UTP20: variants seen among roughly 807,000 people sequenced by gnomAD.
The protein encoded by UTP20 is small subunit processome component 20 homolog.
Under a neutral mutation model 329.5 loss-of-function variants are expected in UTP20, and 164 were observed. The ratio of observed to expected loss-of-function variants is 0.50; its 90% CI spans 0.44 to 0.57. The LOEUF is 0.57. Among genes scored for constraint, UTP20 ranks in the 20% least tolerant of loss-of-function variants. The probability of loss-of-function intolerance (pLI) is 0.00; values close to 1 mark genes in which losing one functional copy is unlikely to be tolerated. For missense variants in UTP20, 3,055 were observed against 3,284.2 expected, an observed-to-expected ratio of 0.93 and a Z score of 1.71; for synonymous variants, 1,151 against 1,159.3, an observed-to-expected ratio of 0.99 and a Z score of 0.14.
rs761486716 is a variant in UTP20 at position 101,344,669 on chromosome 12, T to TGTCA, written c.4525_4528dup (p.Thr1510SerfsTer7). The TGTCA allele has an allele frequency of 1.3e-6, 2 of 1,595,050 alleles. No individual in the cohort carries two copies. Among genetic ancestry groups the TGTCA allele is most frequent in the Non-Finnish European group, 1.7e-6 (2 of 1,162,712 alleles). Reference sequence around the variant, plus strand: ...TCATCAAAAAGCTAGCTGCCTTGAATGTCACAGAGAAAGACTATAGAGAAA... The same window carrying TGTCA: ...TCATCAAAAAGCTAGCTGCCTTGAATGTCAGTCACAGAGAAAGACTATAGAGAAA... On this transcript the variant is annotated frameshift_variant, in exon 36 of 62. Transcript: ENST00000261637. LOFTEE classifies it high-confidence loss of function.
In UTP20 at chr12:101,375,606, C is replaced by G. The variant is rs1219153240; in HGVS notation, c.7264-18C>G. On this transcript the variant is annotated intron_variant, in intron 55 of 61. Coordinates refer to ENST00000261637, the MANE Select transcript of UTP20 (RefSeq NM_014503.3). ...TCAGATTGTTGTTTTCATTGATTTA[C>G]ATCCGTCTTGTTTTTAGATCATGGA... The G allele has an allele frequency of 4.4e-6, 7 of 1,608,392 alleles. No individual in the cohort carries two copies. In the African/African-American group the frequency reaches 9.4e-5, roughly 22 times the overall value.
rs780116724 is a variant in UTP20 at position 101,295,596 on chromosome 12, T to A, written c.1368T>A (p.Pro456=). The A allele has an allele frequency of 6.2e-7, 1 of 1,613,460 alleles. No homozygotes were observed. Among genetic ancestry groups the A allele is most frequent in the Non-Finnish European group, 8.5e-7 (1 of 1,179,628 alleles). The part of the protein sequence containing the change: ...LAKLILNKAA[P]PTAGSMAIEK... ...AGCTCATTCTGAACAAAGCAGCACC[T>A]CCCACTGCTGGCTCGATGGCAATTG... is the stretch of plus-strand genomic sequence containing the variant. Residue 456 remains proline, a synonymous_variant, in exon 12 of 62, where the codon CCT becomes CCA. Transcript: ENST00000261637.
At chr12:101,302,973 A>C (rs1323057512) in intron 15 of UTP20, among the ~76,000 whole-genome samples, 1 of 152,064 alleles carries the variant, frequency 6.6e-6, no homozygotes, top group South Asian at 2.1e-4. Context: ...GAAACAATCC[A>C]GTTTCTTTTT....
intron 4 of UTP20, 109 bp downstream of exon 4, chr12:101,285,990 CA>C (rs1485850572): frequency 3.3e-5 from 48 of 1,447,328 alleles, no homozygotes; most frequent in Middle Eastern, 3.6e-4. Context: ...AATTTAGAAA[CA>C]AGGAGGATTT....
At chr12:101,379,622 A>C in intron 57 of UTP20, 64 bp downstream of exon 57, 2 of 1,523,090 alleles carry the variant, frequency 1.3e-6, no homozygotes, top group Non-Finnish European at 1.8e-6. Flanking sequence ...TGGTTCATGT[A>C]ACTATCTTCG....
chr12:101,281,056 A>T, intron 1 of UTP20, 60 bp from the exon 2 acceptor site: 2 of 1,380,654 alleles, frequency 1.4e-6, no homozygotes, highest in Non-Finnish European at 1.0e-6. Context: ...ATTCAAATAG[A>T]TATTAAAGAT....
chr12:101,314,791 G>A (rs529156130), intron 21 of UTP20, among the ~76,000 whole-genome samples: 1 of 152,118 alleles, frequency 6.6e-6, no homozygotes, highest in Non-Finnish European at 1.5e-5. Context: ...GGGAGCTGTT[G>A]TCGTTGGGGT....
rs1320301691 is a variant in UTP20 at position 101,290,166 on chromosome 12, A to G, written c.627A>G (p.Leu209=). Residue 209 remains leucine, a synonymous_variant, in exon 7 of 62, where the codon TTA becomes TTG. Coordinates refer to ENST00000261637, the MANE Select transcript of UTP20 (RefSeq NM_014503.3). Reference sequence around the variant, plus strand: ...CTGATAAAAACGCACTTTTCAATTTAATGTTTCTTGATCTTGATAAACATC... The same window carrying G: ...CTGATAAAAACGCACTTTTCAATTTGATGTTTCTTGATCTTGATAAACATC... ...KVSDKNALFN[L]MFLDLDKHPE... is the part of the protein sequence containing the mutation. 7 of 1,601,886 alleles carry G rather than the reference A, an allele frequency of 4.4e-6. No individual in the cohort carries two copies. Among genetic ancestry groups the G allele is most frequent in the Non-Finnish European group, 6.0e-6 (7 of 1,173,126 alleles).
intron 56 of UTP20, among the ~76,000 whole-genome samples, chr12:101,376,338 G>A (rs1376176299): frequency 1.3e-5 from 2 of 152,112 alleles, no homozygotes; most frequent in African/African-American, 2.4e-5. Context: ...ACACAGTTGC[G>A]CATCACCTAA....
At chr12:101,335,753 TA>T (rs1353340180) in intron 29 of UTP20, among the ~76,000 whole-genome samples, 7 of 152,228 alleles carry the variant, frequency 4.6e-5, no homozygotes, top group Admixed American at 1.3e-4. Context: ...TTCTTCATGT[TA>T]CTAGTCTTCA....
chr12:101,327,739 A>G (rs1868615524), intron 26 of UTP20, among the ~76,000 whole-genome samples: 1 of 152,206 alleles, frequency 6.6e-6, no homozygotes, highest in Non-Finnish European at 1.5e-5. Flanking sequence ...GATGAAATGG[A>G]TGTAATCGTG....
Position 101,354,356 on chromosome 12 carries a change from T to C in UTP20, c.5108-476T>C, listed in dbSNP as rs79685400. Among the ~76,000 whole-genome samples, 1,303 of 152,144 alleles carry C rather than the reference T, an allele frequency of 8.6e-3. 17 individuals carry two copies. The highest frequency in any genetic ancestry group is 0.029 in the African/African-American group (1,222 of 41,508). On this transcript the variant is annotated intron_variant, in intron 40 of 61. Coordinates refer to ENST00000261637, the MANE Select transcript of UTP20 (RefSeq NM_014503.3). Reference sequence around the variant, plus strand: ...CACAGATTGTTTTATGGCTAAGTTTTACCAAACATTCAAGGGGTAGATCAT... The same window carrying C: ...CACAGATTGTTTTATGGCTAAGTTTCACCAAACATTCAAGGGGTAGATCAT...
rs549641642 is a variant in UTP20, at chr12:101,310,577, C to CAAAA, written c.2231+756_2231+759dup. Among the ~76,000 whole-genome samples the CAAAA allele has an allele frequency of 3.2e-3, 142 of 44,348 alleles. 9 individuals are homozygous for CAAAA. The highest frequency in any genetic ancestry group is 0.015 in the African/African-American group (133 of 9,132). The allele number at this position is 44,348 out of a possible 152,430, so 29.1% of individuals were successfully genotyped here. ...GCAACAAGAGTGAAACTCTGTCTCC[C>CAAAA]AAAAAAAAAAAAAAAAAAAAATACA... is the stretch of plus-strand genomic sequence containing the variant. On this transcript the variant is annotated intron_variant, in intron 19 of 61. Coordinates refer to ENST00000261637, the MANE Select transcript of UTP20 (RefSeq NM_014503.3).
chr12:101,350,816 T>C (rs761685183), intron 38 of UTP20, among the ~76,000 whole-genome samples: 2 of 151,994 alleles, frequency 1.3e-5, no homozygotes, highest in Non-Finnish European at 2.9e-5. Context: ...GTGTCTTCCT[T>C]ACTCACGCTT....
chr12:101,380,092 T>C (rs1870593928), intron 57 of UTP20, among the ~76,000 whole-genome samples: 1 of 152,134 alleles, frequency 6.6e-6, no homozygotes, highest in Admixed American at 6.5e-5. Flanking sequence ...AATGTCAGGG[T>C]CCAGGCCAGG....
At position 101,302,616 on chromosome 12, in the gene UTP20, A is replaced by G. The variant is rs1872550097; in HGVS notation, c.1781+63A>G. On this transcript the variant is annotated intron_variant, in intron 15 of 61. Coordinates refer to ENST00000261637, the MANE Select transcript of UTP20 (RefSeq NM_014503.3). ...AAATATAAAAGCCTCTATTGTTGTG[A>G]AATCTTGGACACAAAGAAAATCCCT... is the stretch of plus-strand genomic sequence containing the variant. 3 of 1,112,524 alleles carry G rather than the reference A, an allele frequency of 2.7e-6. No individual in the cohort carries two copies. The South Asian group carries it at 4.6e-5, about 17-fold the overall frequency. 68.9% of individuals were successfully genotyped at this position (1,112,524 alleles called of 1,614,324 possible). A position where few individuals can be genotyped will look rare whatever the true frequency, so the allele number is the denominator to read the frequency against.
chr12:101,353,470 G>A (rs905114209), intron 40 of UTP20, among the ~76,000 whole-genome samples: 1 of 152,092 alleles, frequency 6.6e-6, no homozygotes, highest in Non-Finnish European at 1.5e-5. Flanking sequence ...AATTAAAGCA[G>A]CAATTGGTGA....
rs111659757 is a variant in UTP20, at chr12:101,379,265, T to A, written c.7397-106T>A. On this transcript the variant is annotated intron_variant, in intron 56 of 61. Transcript: ENST00000261637. The stretch of plus-strand genomic sequence containing the variant: ...ATTGGCTTATTTTGTTCATCTTTGG[T>A]TCCCCACTCCAAACACATAATACTC... 3.6e-4 allele frequency: 372 copies of A among 1,023,494 alleles called. No homozygotes were observed. In the African/African-American group the frequency reaches 5.2e-3, roughly 14 times the overall value. The allele number at this position is 1,023,494 out of a possible 1,614,324, so 63.4% of individuals were successfully genotyped here. A position where few individuals can be genotyped will look rare whatever the true frequency, so the allele number is the denominator to read the frequency against.
chr12:101,347,214 G>C (rs963235768), intron 38 of UTP20, among the ~76,000 whole-genome samples: 3 of 152,134 alleles, frequency 2.0e-5, no homozygotes, highest in African/African-American at 7.2e-5. Context: ...GACTAGATAA[G>C]TAATTATTGA....
Sources: allele counts gnomAD v4.1 joint callset (sites outside exome capture counted in the v4.1 genomes callset), GRCh38; gene constraint gnomAD v4.1.1; transcripts MANE v1.5; gene names NCBI Gene and HGNC (gene_info 2026-07-23, HGNC 2026-07-21).